ZBTB7C: variants seen among roughly 807,000 people sequenced by gnomAD.
The protein encoded by ZBTB7C is zinc finger and BTB domain-containing protein 7C.
ZBTB7C carries 8 observed loss-of-function variants against 25.7 expected under a neutral mutation model. That is an observed-to-expected ratio of 0.31 (90% CI 0.18 to 0.56). The LOEUF (loss-of-function observed/expected upper bound fraction) is 0.56, where lower values mean the gene tolerates loss of function less well. ZBTB7C is among the 20% of genes least tolerant of loss of function. The pLI is 0.91. For missense variants in ZBTB7C, 824 were observed against 855.2 expected (o/e 0.96, Z 0.46); for synonymous variants, 394 against 369.0 (o/e 1.07, Z -0.78).
At chr18:48,141,581 C>T (rs1380955357) in intron 3 of ZBTB7C, among the ~76,000 whole-genome samples, 1 of 152,008 alleles carries the variant, frequency 6.6e-6, no homozygotes, top group Non-Finnish European at 1.5e-5. Context: ...GAAAGTAACC[C>T]ATAATCTCAT....
intron 2 of ZBTB7C, among the ~76,000 whole-genome samples, chr18:48,294,536 C>T (rs1223297863): frequency 6.6e-6 from 1 of 152,172 alleles, no homozygotes; most frequent in Non-Finnish European, 1.5e-5. Context: ...ATGCTGGGTG[C>T]AGCCCAGAGC....
chr18:48,359,607 C>T (rs1375533176), intron 1 of ZBTB7C, among the ~76,000 whole-genome samples: 1 of 152,176 alleles, frequency 6.6e-6, no homozygotes, highest in Non-Finnish European at 1.5e-5. Flanking sequence ...GAAGGCCTGC[C>T]CTGCAAGAAT....
At chr18:48,037,041 C>T (rs892443031) in intron 4 of ZBTB7C, among the ~76,000 whole-genome samples, 1 of 152,184 alleles carries the variant, frequency 6.6e-6, no homozygotes, top group Admixed American at 6.5e-5. Flanking sequence ...AGCCACAGCC[C>T]ACAGTGAGCA....
At chr18:48,030,803 T>C (rs1293509250) in intron 4 of ZBTB7C, among the ~76,000 whole-genome samples, 1 of 152,230 alleles carries the variant, frequency 6.6e-6, no homozygotes, top group Non-Finnish European at 1.5e-5. Flanking sequence ...CCTGGGTCTG[T>C]GTGAGCTAGA....
At chr18:48,247,174 G>A (rs148739598) in intron 2 of ZBTB7C, among the ~76,000 whole-genome samples, 19 of 152,102 alleles carry the variant, frequency 1.2e-4, no homozygotes, top group East Asian at 1.2e-3. Context: ...AAAGAATTCC[G>A]GTTAACAGCA....
chr18:48,294,289 G>A (rs1488590885), intron 2 of ZBTB7C, among the ~76,000 whole-genome samples: 1 of 152,230 alleles, frequency 6.6e-6, no homozygotes, highest in African/African-American at 2.4e-5. Context: ...AGCAGCCGAA[G>A]CAGCTACTAA....
At chr18:48,167,123 C>A (rs990196460) in intron 3 of ZBTB7C, among the ~76,000 whole-genome samples, 2 of 152,182 alleles carry the variant, frequency 1.3e-5, no homozygotes, top group Admixed American at 6.5e-5. Flanking sequence ...CTTCCTTGGC[C>A]GGAGGCAATA....
At chr18:48,409,451 C>G (rs1280393270), upstream of ZBTB7C, 1 of 146,394 alleles carries the variant, frequency 6.8e-6, no homozygotes, top group African/African-American at 2.5e-5. Context: ...CCGCCCTCCC[C>G]GCGCCCCGCC....
intron 1 of ZBTB7C, among the ~76,000 whole-genome samples, chr18:48,378,437 G>T (rs981895175): frequency 3.3e-5 from 5 of 152,176 alleles, no homozygotes; most frequent in African/African-American, 1.2e-4. Flanking sequence ...AGGTGGATGA[G>T]CCTTCTCTGA....
chr18:48,339,311 C>T lies in ZBTB7C; in HGVS notation c.-303-913G>A, dbSNP rs138078227. Among the ~76,000 whole-genome samples, 498 of 152,344 alleles carry T rather than the reference C, an allele frequency of 3.3e-3. 3 individuals are homozygous for T. The highest frequency in any genetic ancestry group is 6.8e-3 in the Middle Eastern group (2 of 294). ...TCCTCCAGGCCTCAGTGGGCCATTG[C>T]TGAGAAGAGACCGTGGCAGACGAAG... On this transcript the variant is annotated intron_variant, in intron 1 of 4. Coordinates refer to ENST00000590800, the MANE Select transcript of ZBTB7C (RefSeq NM_001318841.2).
At chr18:48,176,009 TGAG>T (rs1373430511) in intron 3 of ZBTB7C, among the ~76,000 whole-genome samples, 27 of 152,142 alleles carry the variant, frequency 1.8e-4, no homozygotes, top group Non-Finnish European at 1.5e-4. Context: ...GAGAGACCGA[TGAG>T]GAGCAGGGTA....
rs141996502 is a variant in ZBTB7C, at chr18:48,405,548, G to A, written c.-304+3678C>T. On this transcript the variant is annotated intron_variant, in intron 1 of 4. Transcript: ENST00000590800. ...GTAGTATCTGACAAAAAGTACACAC[G>A]GTGGCTCTAGAAAATCCTTGTAACC... Among the ~76,000 whole-genome samples, 247 of 152,314 alleles carry A rather than the reference G, an allele frequency of 1.6e-3. 3 individuals carry two copies. In the South Asian group the frequency reaches 0.028, roughly 17 times the overall value.
chr18:48,389,933 C>G (rs1189199101), intron 1 of ZBTB7C, among the ~76,000 whole-genome samples: 2 of 152,152 alleles, frequency 1.3e-5, no homozygotes, highest in African/African-American at 4.8e-5. Context: ...CAGGAGATGT[C>G]CTATACTTAG....
intron 2 of ZBTB7C, among the ~76,000 whole-genome samples, chr18:48,303,037 G>C (rs570775346): frequency 2.0e-5 from 3 of 152,338 alleles, no homozygotes; most frequent in African/African-American, 7.2e-5. Context: ...CAAAGCTTCT[G>C]TCTCCCCTCC....
chr18:48,202,840 T>C (rs999569566), intron 2 of ZBTB7C, among the ~76,000 whole-genome samples: 6 of 152,088 alleles, frequency 3.9e-5, no homozygotes, highest in Admixed American at 2.0e-4. Context: ...AGGAGTCCCA[T>C]GGCAGCTGTA....
At chr18:48,124,068 C>T (rs1401074537) in intron 3 of ZBTB7C, among the ~76,000 whole-genome samples, 1 of 152,150 alleles carries the variant, frequency 6.6e-6, no homozygotes, top group Non-Finnish European at 1.5e-5. Context: ...CAAGTTAACC[C>T]CATGACCTGG....
intron 3 of ZBTB7C, among the ~76,000 whole-genome samples, chr18:48,121,079 C>G (rs1403544984): frequency 1.3e-5 from 2 of 152,224 alleles, no homozygotes; most frequent in Admixed American, 1.3e-4. Flanking sequence ...CCTACTCCTG[C>G]GCTCCCTGCA....
intron 2 of ZBTB7C, among the ~76,000 whole-genome samples, chr18:48,200,550 C>G (rs1238871632): frequency 6.6e-6 from 1 of 152,160 alleles, no homozygotes; most frequent in Admixed American, 6.5e-5. Flanking sequence ...AGTTGCTAGC[C>G]TGTTATTGCA....
chr18:48,222,617 C>A (rs1163998835), intron 2 of ZBTB7C, among the ~76,000 whole-genome samples: 2 of 152,190 alleles, frequency 1.3e-5, no homozygotes, highest in Admixed American at 6.5e-5. Flanking sequence ...TAGATACCAG[C>A]CCCAGGACAA....
Sources: allele counts gnomAD v4.1 joint callset (sites outside exome capture counted in the v4.1 genomes callset), GRCh38; gene constraint gnomAD v4.1.1; transcripts MANE v1.5; gene names NCBI Gene and HGNC (gene_info 2026-07-23, HGNC 2026-07-21).